The following C1orf141 variants were observed in gnomAD, a reference collection of about 807,000 sequenced individuals.
C1orf141 encodes chromosome 1 open reading frame 141, also known as uncharacterized protein C1orf141.
A neutral mutation model predicts 23.2 loss-of-function variants in C1orf141; 19 were observed. The observed-to-expected ratio is 0.82, with a 90% CI of 0.57 to 1.20. The LOEUF is 1.20. Among genes scored for constraint, C1orf141 ranks in the 50% most tolerant of loss-of-function variants. The pLI, the probability that C1orf141 is intolerant of heterozygous loss-of-function variation, is 0.00. For synonymous variants in C1orf141, 153 were observed against 154.6 expected (o/e 0.99, Z 0.08); for missense variants, 469 against 455.1 (o/e 1.03, Z -0.28).
chr1:67,095,780 G>A (rs941864892), intron 6 of C1orf141: 1 of 194,058 alleles, frequency 5.2e-6, no homozygotes, highest in African/African-American at 2.3e-5. Context: ...GGTGGCCCCA[G>A]CTTTGTTAAG....
intron 2 of C1orf141, among the ~76,000 whole-genome samples, chr1:67,130,178 C>T (rs916426602): frequency 1.3e-5 from 2 of 152,092 alleles, no homozygotes; most frequent in East Asian, 1.9e-4. Context: ...TAAAACTCTC[C>T]GAGGAGTTTT....
upstream of C1orf141, among the ~76,000 whole-genome samples, chr1:67,137,733 T>C (rs941835067): frequency 2.6e-5 from 4 of 152,256 alleles, no homozygotes; most frequent in African/African-American, 4.8e-5. Flanking sequence ...CCAGAGATTA[T>C]ATCTCAGAAG....
intron 5 of C1orf141, among the ~76,000 whole-genome samples, chr1:67,106,998 T>A (rs1032818084): frequency 1.3e-5 from 2 of 152,236 alleles, no homozygotes; most frequent in African/African-American, 4.8e-5. Flanking sequence ...TCCCCTTTAC[T>A]TTCTTTAAAA....
intron 5 of C1orf141, chr1:67,113,668 T>A: frequency 8.0e-7 from 1 of 1,248,504 alleles, no homozygotes; most frequent in Non-Finnish European, 1.0e-6. Flanking sequence ...CCCGGCCAGG[T>A]CTTTGTAAGA....
intron 5 of C1orf141, among the ~76,000 whole-genome samples, chr1:67,111,297 T>C (rs563955052): frequency 1.3e-5 from 2 of 152,284 alleles, no homozygotes; most frequent in South Asian, 4.2e-4. Context: ...ATGTATGTTT[T>C]TTATGATGCT....
intron 5 of C1orf141, among the ~76,000 whole-genome samples, chr1:67,105,298 C>T (rs1021754372): frequency 8.5e-5 from 12 of 141,780 alleles, no homozygotes; most frequent in Non-Finnish European, 1.6e-4. Flanking sequence ...TGCACTCCAG[C>T]CTGAGCAACA....
chr1:67,116,273 G>A (rs981511347), intron 4 of C1orf141, among the ~76,000 whole-genome samples: 1 of 152,076 alleles, frequency 6.6e-6, no homozygotes, highest in Non-Finnish European at 1.5e-5. Context: ...AGGCCAAAAA[G>A]TTTGCAGAAA....
intron 4 of C1orf141, among the ~76,000 whole-genome samples, chr1:67,115,762 A>T (rs2013772): frequency 0.78 from 119,021 of 152,096 alleles, 46,951 homozygotes; most frequent in East Asian, 0.91. Flanking sequence ...TGCTGGAAAT[A>T]ACTTCAGTGA....
At chr1:67,096,385 G>A in intron 5 of C1orf141, 64 bp from the exon 6 acceptor site, 1 of 816,454 alleles carries the variant, frequency 1.2e-6, no homozygotes, top group Non-Finnish European at 2.0e-6. Flanking sequence ...AAAATATCTT[G>A]CACAAAATAT....
intron 3 of C1orf141, 24 bp downstream of exon 3, chr1:67,127,142 A>C: frequency 6.5e-7 from 1 of 1,532,176 alleles, no homozygotes; most frequent in Non-Finnish European, 8.9e-7. Flanking sequence ...GATTAAACTG[A>C]ATTGTAGCTT....
intron 1 of C1orf141, among the ~76,000 whole-genome samples, chr1:67,132,761 G>T (rs1210685936): frequency 6.6e-6 from 1 of 152,186 alleles, no homozygotes; most frequent in African/African-American, 2.4e-5. Flanking sequence ...TTTACTGGAA[G>T]ATGAAATAAA....
chr1:67,110,987 T>G (rs1192084366), intron 5 of C1orf141, among the ~76,000 whole-genome samples: 2 of 150,830 alleles, frequency 1.3e-5, no homozygotes, highest in East Asian at 3.9e-4. Flanking sequence ...TTTCCCTTGC[T>G]AATTCTCTGG....
At chr1:67,107,257 A>G (rs1000925274) in intron 5 of C1orf141, among the ~76,000 whole-genome samples, 2 of 152,238 alleles carry the variant, frequency 1.3e-5, no homozygotes, top group African/African-American at 4.8e-5. Flanking sequence ...ACTAAAATCC[A>G]ACAGATATAT....
intron 5 of C1orf141, among the ~76,000 whole-genome samples, chr1:67,112,744 T>C (rs1259935941): frequency 6.6e-6 from 1 of 151,982 alleles, no homozygotes; most frequent in Non-Finnish European, 1.5e-5. Flanking sequence ...GGGTGAATAA[T>C]TGAAATTTAT....
chr1:67,121,188 T>C (rs1570720090), intron 4 of C1orf141, among the ~76,000 whole-genome samples: 1 of 152,366 alleles, frequency 6.6e-6, no homozygotes, highest in East Asian at 1.9e-4. Context: ...GGTGTAGTTT[T>C]AATGTGGAAT....
At chr1:67,124,484 T>A (rs923031727) in intron 4 of C1orf141, among the ~76,000 whole-genome samples, 2 of 152,190 alleles carry the variant, frequency 1.3e-5, no homozygotes, top group South Asian at 2.1e-4. Context: ...AGATAATTTT[T>A]TAAAAATATA....
chr1:67,127,519 C>T (rs1039409744), intron 2 of C1orf141, among the ~76,000 whole-genome samples: 1 of 152,118 alleles, frequency 6.6e-6, no homozygotes. Flanking sequence ...TTCACGATTA[C>T]CATGAGAACC....
At chr1:67,137,323 C>T (rs115072680), upstream of C1orf141, among the ~76,000 whole-genome samples, 1,371 of 152,222 alleles carry the variant, frequency 9.0e-3, 23 homozygotes, top group African/African-American at 0.031. Context: ...GAGTCAGTCC[C>T]GAAATAACAA....
chr1:67,141,645 C>G lies in C1orf141; in HGVS notation c.-103-10418G>C, dbSNP rs544976649. Among the ~76,000 whole-genome samples the G allele has an allele frequency of 1.4e-4, 22 of 152,210 alleles. No homozygotes were observed. The South Asian group carries it at 4.2e-3, about 29-fold the overall frequency. On this transcript the variant is annotated intron_variant, in intron 1 of 7. Transcript: ENST00000371007. Reference sequence around the variant, plus strand: ...GTAGTGATGCATATCTGCAGTCCAGCTATTCAGGAGGCTGAGGTAGAAGGA... The same window carrying G: ...GTAGTGATGCATATCTGCAGTCCAGGTATTCAGGAGGCTGAGGTAGAAGGA...
Sources: allele counts gnomAD v4.1 joint callset (sites outside exome capture counted in the v4.1 genomes callset), GRCh38; gene constraint gnomAD v4.1.1; transcripts MANE v1.5; gene names NCBI Gene and HGNC (gene_info 2026-07-23, HGNC 2026-07-21).